Variants in SPECC1 observed in about 807,000 individuals in gnomAD.
The protein encoded by SPECC1 is sperm antigen with calponin homology and coiled-coil domains 1.
SPECC1 carries 62 observed loss-of-function variants against 104.1 expected under a neutral mutation model. The observed-to-expected ratio is 0.60, with a 90% CI of 0.49 to 0.74. The LOEUF is 0.74. Among genes scored for constraint, SPECC1 ranks in the 30% least tolerant of loss-of-function variants. The probability of loss-of-function intolerance (pLI) is 0.00; values close to 1 mark genes in which losing one functional copy is unlikely to be tolerated. For missense variants in SPECC1, 1,306 were observed against 1,310.5 expected, an observed-to-expected ratio of 1.00 and a Z score of 0.05; for synonymous variants, 513 against 501.6, an observed-to-expected ratio of 1.02 and a Z score of -0.30.
In SPECC1 at chr17:20,284,932, A is replaced by G. The variant is rs568698016; in HGVS notation, c.2941-12029A>G. 2.0e-5 allele frequency among the ~76,000 whole-genome samples: 3 copies of G among 152,218 alleles called. No homozygotes were observed. The East Asian group carries it at 5.8e-4, about 29-fold the overall frequency. The stretch of plus-strand genomic sequence containing the variant: ...TTGCTTTTTTCTTTTTGACTTTTGC[A>G]GTTAGTGTACACAGAGTCAGTTCAT... On this transcript the variant is annotated intron_variant, in intron 12 of 14. Transcript: ENST00000395527.
chr17:20,156,793 C>CCGTA lies in SPECC1; in HGVS notation c.283+46232_283+46235dup, dbSNP rs140515566. 3.7e-3 allele frequency among the ~76,000 whole-genome samples: 566 copies of CCGTA among 152,244 alleles called. 5 individuals carry two copies. Among genetic ancestry groups the CCGTA allele is most frequent in the African/African-American group, 0.013 (539 of 41,548 alleles). On this transcript the variant is annotated intron_variant, in intron 3 of 14. Transcript: ENST00000395527. ...AGTGAGCTTCGTGGAGTCAGTTGGGCCGTAGTTTTCGTCCTCTGGTAGCTC... is the reference window on the plus strand; with the variant it reads ...AGTGAGCTTCGTGGAGTCAGTTGGGCCGTACGTAGTTTTCGTCCTCTGGTAGCTC...
intron 12 of SPECC1, among the ~76,000 whole-genome samples, chr17:20,281,881 G>A (rs1023412514): frequency 2.0e-5 from 3 of 152,248 alleles, no homozygotes; most frequent in Non-Finnish European, 4.4e-5. Flanking sequence ...AGATGGCAGG[G>A]AATCATCTGG....
At position 20,111,671 on chromosome 17, in the gene SPECC1, G is replaced by A. The variant is rs139144708; in HGVS notation, c.283+1109G>A. The stretch of plus-strand genomic sequence containing the variant: ...GAGTCCCGGGTGTGGGACAAATTGC[G>A]TGTGTGTGGTGTGTCCCCAAAAGCA... On this transcript the variant is annotated intron_variant, in intron 3 of 14. Transcript: ENST00000395527. 4.3e-3 allele frequency among the ~76,000 whole-genome samples: 649 copies of A among 152,204 alleles called. 3 individuals are homozygous for A. Among genetic ancestry groups the A allele is most frequent in the African/African-American group, 0.011 (454 of 41,530 alleles).
At chr17:20,170,871 C>A (rs2034035688) in intron 3 of SPECC1, among the ~76,000 whole-genome samples, 1 of 151,924 alleles carries the variant, frequency 6.6e-6, no homozygotes, top group African/African-American at 2.4e-5. Flanking sequence ...GAACTGGTAC[C>A]AACCACCTCC....
chr17:20,168,241 T>C lies in SPECC1; in HGVS notation c.284-36092T>C, dbSNP rs142596691. On this transcript the variant is annotated intron_variant, in intron 3 of 14. Transcript: ENST00000395527. ...TAACTGACATATCAGCCACATTTAA[T>C]CCAACCATGCATTTAAAAAAACATT... Among the ~76,000 whole-genome samples, 244 of 152,298 alleles carry C rather than the reference T, an allele frequency of 1.6e-3. 1 individual carries two copies. The highest frequency in any genetic ancestry group is 5.7e-3 in the African/African-American group (238 of 41,556).
intron 1 of SPECC1, among the ~76,000 whole-genome samples, chr17:20,027,395 G>A (rs1345841222): frequency 6.6e-6 from 1 of 152,084 alleles, no homozygotes; most frequent in Non-Finnish European, 1.5e-5. Flanking sequence ...TCATTCTGTT[G>A]TTTCCTTTGC....
At chr17:20,094,214 T>C (rs2047539874) in intron 1 of SPECC1, among the ~76,000 whole-genome samples, 1 of 151,866 alleles carries the variant, frequency 6.6e-6, no homozygotes, top group Non-Finnish European at 1.5e-5. Context: ...GGTGCAGTCA[T>C]GTGGGAGTAG....
chr17:20,230,692 C>A (rs2038519281), intron 5 of SPECC1, among the ~76,000 whole-genome samples: 1 of 152,130 alleles, frequency 6.6e-6, no homozygotes, highest in Non-Finnish European at 1.5e-5. Flanking sequence ...TGCAAGCCAT[C>A]TTTTGAAAAA....
intron 4 of SPECC1, among the ~76,000 whole-genome samples, chr17:20,220,230 G>A (rs1319484348): frequency 6.6e-6 from 1 of 152,126 alleles, no homozygotes; most frequent in Non-Finnish European, 1.5e-5. Context: ...TATTTTGATA[G>A]GGATTGCTTT....
chr17:20,104,500 T>C (rs931829264), intron 2 of SPECC1, among the ~76,000 whole-genome samples: 2 of 152,024 alleles, frequency 1.3e-5, no homozygotes, highest in East Asian at 3.9e-4. Flanking sequence ...CCCGCCACTT[T>C]GGGAGGCCGA....
At chr17:20,206,125 A>G (rs568927443) in intron 4 of SPECC1, among the ~76,000 whole-genome samples, 2 of 152,228 alleles carry the variant, frequency 1.3e-5, no homozygotes, top group Middle Eastern at 3.2e-3. Context: ...GGGCGGTTCA[A>G]AATGTGGGGA....
At chr17:20,058,384 C>G (rs1597627783) in intron 1 of SPECC1, among the ~76,000 whole-genome samples, 1 of 152,290 alleles carries the variant, frequency 6.6e-6, no homozygotes, top group East Asian at 1.9e-4. Flanking sequence ...AATCCCAGCA[C>G]TTTGGGAGGC....
At position 20,137,840 on chromosome 17, in the gene SPECC1, A is replaced by AT. The variant is rs563277282; in HGVS notation, c.283+27284dup. On this transcript the variant is annotated intron_variant, in intron 3 of 14. Coordinates refer to ENST00000395527, the MANE Select transcript of SPECC1 (RefSeq NM_001243439.2). ...GCCACCAAGCCCAGCTAATTTTTGT[A>AT]TTTTTTACTAGAGATGGGTTTTCGG... 1.4e-4 allele frequency among the ~76,000 whole-genome samples: 21 copies of AT among 150,496 alleles called. No individual in the cohort carries two copies. The East Asian group carries it at 1.8e-3, about 13-fold the overall frequency.
rs76865194 is a variant in SPECC1 at position 20,042,540 on chromosome 17, A to G, written c.-22+33116A>G. Among the ~76,000 whole-genome samples, 62 of 152,304 alleles carry G rather than the reference A, an allele frequency of 4.1e-4. No homozygotes were observed. The East Asian group carries it at 5.6e-3, about 14-fold the overall frequency. On this transcript the variant is annotated intron_variant, in intron 1 of 14. Coordinates refer to ENST00000395527, the MANE Select transcript of SPECC1 (RefSeq NM_001243439.2). ...GATGGGCTCCTTACTACTGCCATGCAGGGATAAAAGTCGCAGTCCTTACTC... is the reference window on the plus strand; with the variant it reads ...GATGGGCTCCTTACTACTGCCATGCGGGGATAAAAGTCGCAGTCCTTACTC...
At chr17:20,193,979 A>G (rs1025133817) in intron 3 of SPECC1, among the ~76,000 whole-genome samples, 5 of 152,248 alleles carry the variant, frequency 3.3e-5, no homozygotes, top group Admixed American at 6.5e-5. Flanking sequence ...AGATGAGACT[A>G]GAATTTAATA....
At chr17:20,194,088 G>C (rs1305563234) in intron 3 of SPECC1, among the ~76,000 whole-genome samples, 1 of 152,080 alleles carries the variant, frequency 6.6e-6, no homozygotes, top group African/African-American at 2.4e-5. Flanking sequence ...ATTATACTTG[G>C]CCTGATAATT....
chr17:20,238,553 C>A (rs1368618465), intron 7 of SPECC1: 1 of 1,042,896 alleles, frequency 9.6e-7, no homozygotes, highest in East Asian at 5.7e-5. Context: ...TCAGGAAGAT[C>A]TTTTGGGGTG....
intron 1 of SPECC1, among the ~76,000 whole-genome samples, chr17:20,049,904 G>C (rs1364303672): frequency 6.6e-6 from 1 of 151,764 alleles, no homozygotes; most frequent in Non-Finnish European, 1.5e-5. Flanking sequence ...CGCAACCTGT[G>C]CCTCCCAGAT....
intron 13 of SPECC1, among the ~76,000 whole-genome samples, chr17:20,301,806 A>G (rs1004840060): frequency 6.6e-6 from 1 of 152,020 alleles, no homozygotes; most frequent in Non-Finnish European, 1.5e-5. Context: ...CCCAAGTCCA[A>G]GCGATTCTCC....
Sources: gnomAD v4.1 joint callset for allele counts (sites outside exome capture counted in the v4.1 genomes callset) on GRCh38, gnomAD v4.1.1 for gene constraint, MANE v1.5 for transcripts, NCBI Gene and HGNC (gene_info 2026-07-23, HGNC 2026-07-21) for gene names.